The following RANBP2 variants were observed in gnomAD, a reference collection of about 807,000 sequenced individuals.
The protein encoded by RANBP2 is RAN binding protein 2.
RANBP2 carries 57 observed loss-of-function variants against 303.6 expected under a neutral mutation model. The observed-to-expected ratio is 0.19, with a 90% confidence interval of 0.15 to 0.23. The LOEUF (loss-of-function observed/expected upper bound fraction) is 0.23, where lower values mean the gene tolerates loss of function less well. Among genes scored for constraint, RANBP2 ranks in the 10% least tolerant of loss-of-function variants. RANBP2 has a pLI of 1.00. For missense variants in RANBP2, 3,138 were observed against 3,780.8 expected, an observed-to-expected ratio of 0.83 and a Z score of 4.46; for synonymous variants, 1,167 against 1,301.5, an observed-to-expected ratio of 0.90 and a Z score of 2.23.
At chr2:109,078,276 A>ATATATATATATATATATATATATAGCG in the RANBP2 span, among the ~76,000 whole-genome samples, 2 of 76,804 alleles carry the variant, frequency 2.6e-5, no homozygotes, top group Non-Finnish European at 5.1e-5. Context: ...GCGTATATAT[A>ATATATATATATATATATATATATAGCG]TATATATATA....
chr2:109,794,610 G>GCGGCC, the RANBP2 span: 4 of 190,808 alleles, frequency 2.1e-5, no homozygotes, highest in Middle Eastern at 2.8e-3. Flanking sequence ...GGCGGCGGCG[G>GCGGCC]GGGGGGCGGC....
chr2:109,051,470 C>T, the RANBP2 span, among the ~76,000 whole-genome samples: 2 of 152,206 alleles, frequency 1.3e-5, no homozygotes, highest in African/African-American at 2.4e-5. Context: ...AAACCCCATA[C>T]TCACATGCAA....
the RANBP2 span, among the ~76,000 whole-genome samples, chr2:109,659,534 G>A: frequency 6.6e-6 from 1 of 152,226 alleles, no homozygotes; most frequent in Non-Finnish European, 1.5e-5. Context: ...TCGCATGGAC[G>A]GTGAGAGCAG....
Position 108,764,802 on chromosome 2 carries a change from T to C in RANBP2, c.4263T>C (p.Cys1421=), listed in dbSNP as rs1676995010. The C allele has an allele frequency of 2.5e-6, 4 of 1,614,104 alleles. No homozygotes were observed. Among genetic ancestry groups the C allele is most frequent in the East Asian group, 4.5e-5 (2 of 44,880 alleles). ...VTPKKEGHWD[C]SICLVRNEPT... is the part of the protein sequence containing the mutation. ...CAAAGAAAGAAGGTCACTGGGATTG[T>C]AGTATTTGTTTAGTAAGAAATGAAC... The change falls in exon 20 of 29, where the codon TGT becomes TGC. Residue 1421 remains cysteine, a synonymous_variant. Transcript: ENST00000283195.
chr2:108,926,917 C>T, the RANBP2 span, among the ~76,000 whole-genome samples: 1 of 152,220 alleles, frequency 6.6e-6, no homozygotes, highest in Admixed American at 6.5e-5. Flanking sequence ...TGATCCTCCT[C>T]TGTGACACAG....
At chr2:109,078,102 A>ATATATATATATATATGGCG in the RANBP2 span, among the ~76,000 whole-genome samples, 95 of 90,122 alleles carry the variant, frequency 1.1e-3, 2 homozygotes, top group Non-Finnish European at 1.7e-3. Flanking sequence ...ATATATATAT[A>ATATATATATATATATGGCG]TATATATATA....
At chr2:109,194,395 G>A in the RANBP2 span, among the ~76,000 whole-genome samples, 1 of 152,320 alleles carries the variant, frequency 6.6e-6, no homozygotes, top group South Asian at 2.1e-4. Flanking sequence ...CAGTGGGCTG[G>A]GCCTCAACCC....
At chr2:108,893,435 C>T in the RANBP2 span, among the ~76,000 whole-genome samples, 3 of 152,118 alleles carry the variant, frequency 2.0e-5, no homozygotes, top group African/African-American at 7.2e-5. Context: ...CCATCAAATC[C>T]CTCCAATGTG....
At chr2:109,145,527 A>G in the RANBP2 span, among the ~76,000 whole-genome samples, 38 of 152,126 alleles carry the variant, frequency 2.5e-4, no homozygotes, top group Non-Finnish European at 4.0e-4. Flanking sequence ...CCCTCATGAA[A>G]GGGGCTGCTT....
chr2:109,672,794 C>T, the RANBP2 span, among the ~76,000 whole-genome samples: 2 of 152,100 alleles, frequency 1.3e-5, no homozygotes, highest in Non-Finnish European at 2.9e-5. Flanking sequence ...GCATAAGTAT[C>T]AATAGATAGC....
the RANBP2 span, among the ~76,000 whole-genome samples, chr2:108,816,390 G>A: frequency 6.6e-6 from 1 of 152,166 alleles, no homozygotes; most frequent in Non-Finnish European, 1.5e-5. Flanking sequence ...GGTGGAGGTT[G>A]CAGTGAGCCA....
chr2:109,226,886 G>C, the RANBP2 span, among the ~76,000 whole-genome samples: 5 of 152,300 alleles, frequency 3.3e-5, no homozygotes, highest in Admixed American at 3.3e-4. Context: ...AACACAGAGA[G>C]AAGCAAAGCC....
the RANBP2 span, among the ~76,000 whole-genome samples, chr2:109,021,152 C>T: frequency 6.6e-6 from 1 of 152,216 alleles, no homozygotes; most frequent in African/African-American, 2.4e-5. Flanking sequence ...AATAAGGCAG[C>T]TGCCTGGGCT....
the RANBP2 span, among the ~76,000 whole-genome samples, chr2:109,656,323 T>G: frequency 6.6e-6 from 1 of 151,826 alleles, no homozygotes; most frequent in African/African-American, 2.4e-5. Flanking sequence ...ACTCCTTTTC[T>G]TAAAATTCTG....
At chr2:109,186,564 C>G in the RANBP2 span, among the ~76,000 whole-genome samples, 1 of 152,170 alleles carries the variant, frequency 6.6e-6, no homozygotes, top group Non-Finnish European at 1.5e-5. Context: ...TTCCAGCAAC[C>G]AGTAAAGCAA....
At chr2:109,758,493 A>G in the RANBP2 span, among the ~76,000 whole-genome samples, 1 of 135,366 alleles carries the variant, frequency 7.4e-6, no homozygotes, top group Admixed American at 7.6e-5. Context: ...AGTAAGTTCT[A>G]AAAGCTTTAT....
chr2:108,781,064 C>T (rs1049779881), intron 25 of RANBP2, among the ~76,000 whole-genome samples: 3 of 151,634 alleles, frequency 2.0e-5, no homozygotes, highest in Non-Finnish European at 2.9e-5. Flanking sequence ...AGGCTGGTCT[C>T]GAACCCCTGA....
At chr2:109,155,725 A>G in the RANBP2 span, among the ~76,000 whole-genome samples, 2 of 152,192 alleles carry the variant, frequency 1.3e-5, no homozygotes, top group Non-Finnish European at 2.9e-5. Context: ...TTCTAGCAGT[A>G]CTTGAGAACA....
the RANBP2 span, among the ~76,000 whole-genome samples, chr2:109,211,129 C>T: frequency 1.3e-5 from 2 of 152,122 alleles, no homozygotes; most frequent in South Asian, 2.1e-4. Flanking sequence ...CTGGAGAAAA[C>T]GTTACTTGCA....
Sources: allele counts gnomAD v4.1 joint callset (sites outside exome capture counted in the v4.1 genomes callset), GRCh38; gene constraint gnomAD v4.1.1; transcripts MANE v1.5; gene names NCBI Gene and HGNC (gene_info 2026-07-23, HGNC 2026-07-21).